DHRS3: variants seen among roughly 807,000 people sequenced by gnomAD.
DHRS3 encodes the protein short-chain dehydrogenase/reductase 3.
DHRS3 carries 14 observed loss-of-function variants against 27.2 expected under a neutral mutation model. That is an observed-to-expected ratio of 0.52 (90% CI 0.34 to 0.81). The LOEUF is 0.81. DHRS3 is among the 30% of genes least tolerant of loss of function. The pLI, the probability that DHRS3 is intolerant of heterozygous loss-of-function variation, is 0.01. For synonymous variants in DHRS3, 165 were observed against 175.9 expected, an observed-to-expected ratio of 0.94 and a Z score of 0.49; for missense variants, 322 against 406.2, an observed-to-expected ratio of 0.79 and a Z score of 1.78.
intron 1 of DHRS3, among the ~76,000 whole-genome samples, chr1:12,615,929 C>G (rs573784685): frequency 6.6e-6 from 1 of 152,308 alleles, no homozygotes; most frequent in African/African-American, 2.4e-5. Context: ...CAGCCAGACC[C>G]CTGCTAGCTT....
chr1:12,591,578 G>T lies in DHRS3; in HGVS notation c.196-10912C>A, dbSNP rs192954647. ...CTTGGGAGGCACAGGAATGACAGTA[G>T]CTCTGACATGCACGTGGGGCTCACT... is the stretch of plus-strand genomic sequence containing the variant. On this transcript the variant is annotated intron_variant, in intron 1 of 5. Transcript: ENST00000616661. The surrounding 1 kb of genome is among the most constrained non-coding windows in gnomAD (Gnocchi z 4.1). 2.6e-5 allele frequency among the ~76,000 whole-genome samples: 4 copies of T among 152,368 alleles called. No individual in the cohort carries two copies. The East Asian group carries it at 7.7e-4, about 29-fold the overall frequency.
intron 1 of DHRS3, among the ~76,000 whole-genome samples, chr1:12,589,268 A>T (rs980473121): frequency 6.6e-6 from 1 of 152,238 alleles, no homozygotes; most frequent in Non-Finnish European, 1.5e-5. Flanking sequence ...AGAGCAGCTT[A>T]GAACATGGGC....
intron 1 of DHRS3, among the ~76,000 whole-genome samples, chr1:12,587,075 T>G (rs978156830): frequency 2.6e-5 from 4 of 151,882 alleles, no homozygotes; most frequent in Non-Finnish European, 5.9e-5. Flanking sequence ...GGAAAAATGC[T>G]CAGGAGTCTA....
intron 1 of DHRS3, among the ~76,000 whole-genome samples, chr1:12,600,907 C>T (rs2100707871): frequency 6.6e-6 from 1 of 150,528 alleles, no homozygotes; most frequent in Non-Finnish European, 1.5e-5. Context: ...CTTTGAACTA[C>T]AATCTCCTTG....
rs1386768930 is a variant in DHRS3 at position 12,617,248 on chromosome 1, C to A, written c.101G>T (p.Arg34Leu). Reference protein sequence around the residue: ...AVGLVLPAKLRDLSRENVLIT... With the variant: ...AVGLVLPAKLLDLSRENVLIT... ...GAGGACGTTCTCCCGCGACAGGTCC[C>A]GCAGCTTGGCGGGCAGCACCAGTCC... Residue 34 changes from arginine to leucine, a missense_variant, in exon 1 of 6, where the codon CGG (arginine) becomes CTG (leucine). Transcript: ENST00000616661. 1 of 1,613,670 alleles carries A rather than the reference C, an allele frequency of 6.2e-7. No individual in the cohort carries two copies. Among genetic ancestry groups the A allele is most frequent in the East Asian group, 2.2e-5 (1 of 44,878 alleles).
chr1:12,588,162 G>T (rs1176214338), intron 1 of DHRS3, among the ~76,000 whole-genome samples: 1 of 152,190 alleles, frequency 6.6e-6, no homozygotes, highest in African/African-American at 2.4e-5. Context: ...GCTACTTATG[G>T]ACTCCTATTC....
chr1:12,580,832 G>GT (rs913539493), intron 1 of DHRS3, among the ~76,000 whole-genome samples, 166 bp from the exon 2 acceptor site: 23 of 151,942 alleles, frequency 1.5e-4, no homozygotes, highest in Admixed American at 1.0e-3. Flanking sequence ...TATAACTTTT[G>GT]TTTTTTTTGA....
At chr1:12,590,548 G>A (rs1372801399) in intron 1 of DHRS3, among the ~76,000 whole-genome samples, 1 of 152,024 alleles carries the variant, frequency 6.6e-6, no homozygotes, top group East Asian at 1.9e-4. Flanking sequence ...GACCTCAGGT[G>A]ATCCACCTGC....
chr1:12,596,526 A>G (rs1646798881), intron 1 of DHRS3, among the ~76,000 whole-genome samples: 1 of 152,166 alleles, frequency 6.6e-6, no homozygotes, highest in Non-Finnish European at 1.5e-5. Flanking sequence ...CTTCCGAAGC[A>G]GGGGGCCTGT....
chr1:12,578,703 C>A lies in DHRS3; in HGVS notation c.698+15G>T. The stretch of plus-strand genomic sequence containing the variant: ...TGAGAAGGCTGGTCTCAAGGTGGGT[C>A]CCCTGCTCACTGACCTGACTCTCAT... On this transcript the variant is annotated intron_variant, in intron 4 of 5. Coordinates refer to ENST00000616661, the MANE Select transcript of DHRS3 (RefSeq NM_004753.7). The surrounding 1 kb of genome is among the most constrained non-coding windows in gnomAD (Gnocchi z 4.5). 1 of 1,604,454 alleles carries A rather than the reference C, an allele frequency of 6.2e-7. No individual in the cohort carries two copies. Among genetic ancestry groups the A allele is most frequent in the Non-Finnish European group, 8.5e-7 (1 of 1,171,932 alleles).
chr1:12,582,086 A>G (rs1646649494), intron 1 of DHRS3, among the ~76,000 whole-genome samples: 1 of 152,238 alleles, frequency 6.6e-6, no homozygotes, highest in African/African-American at 2.4e-5. Flanking sequence ...ACTGGGGGTT[A>G]CAGATGGCGG....
chr1:12,585,236 A>T (rs56102344), intron 1 of DHRS3, among the ~76,000 whole-genome samples: 6,573 of 91,090 alleles, frequency 0.072, 536 homozygotes, highest in African/African-American at 0.23. Context: ...TGTCTATGTG[A>T]GTGTGTGTCT....
chr1:12,612,029 C>A (rs536923103), intron 1 of DHRS3, among the ~76,000 whole-genome samples: 46 of 152,274 alleles, frequency 3.0e-4, no homozygotes, highest in Non-Finnish European at 5.9e-4. Flanking sequence ...GAGGTAGACA[C>A]CTTTGTTCCC....
chr1:12,610,712 C>G (rs111512526), intron 1 of DHRS3, among the ~76,000 whole-genome samples: 2,281 of 152,338 alleles, frequency 0.015, 23 homozygotes, highest in South Asian at 0.033. Context: ...TCTAAATAGA[C>G]TCACTTTTCT....
At chr1:12,579,668 G>A (rs943060136) in intron 2 of DHRS3, 4 of 370,172 alleles carry the variant, frequency 1.1e-5, no homozygotes, top group East Asian at 7.2e-5. Flanking sequence ...TAGAGATGGG[G>A]TTTCACCATG....
chr1:12,584,882 T>A (rs1467019946), intron 1 of DHRS3, among the ~76,000 whole-genome samples: 1 of 151,184 alleles, frequency 6.6e-6, no homozygotes, highest in Non-Finnish European at 1.5e-5. Context: ...TCTGTAAGTG[T>A]GTGTGTGTGT....
intron 1 of DHRS3, among the ~76,000 whole-genome samples, chr1:12,584,768 C>T (rs892874487): frequency 2.0e-5 from 3 of 152,218 alleles, no homozygotes; most frequent in African/African-American, 7.2e-5. Flanking sequence ...GGCAAGGCTT[C>T]GGTCTCAGAC....
intron 1 of DHRS3, among the ~76,000 whole-genome samples, chr1:12,598,299 T>C (rs990577106): frequency 6.6e-6 from 1 of 151,942 alleles, no homozygotes; most frequent in Non-Finnish European, 1.5e-5. Context: ...CACGTGAGCC[T>C]GGGAGGTTGA....
intron 5 of DHRS3, among the ~76,000 whole-genome samples, chr1:12,572,268 C>T (rs1452307280): frequency 6.6e-6 from 1 of 152,112 alleles, no homozygotes; most frequent in African/African-American, 2.4e-5. Flanking sequence ...CCTGGGTTCA[C>T]ACCATTCTCC....
Sources: allele counts gnomAD v4.1 joint callset (sites outside exome capture counted in the v4.1 genomes callset), GRCh38; gene constraint gnomAD v4.1.1; non-coding constraint Gnocchi (gnomAD v3.1); transcripts MANE v1.5; gene names NCBI Gene and HGNC (gene_info 2026-07-23, HGNC 2026-07-21).